CALN1: variants seen among roughly 807,000 people sequenced by gnomAD.
CALN1 encodes the protein calcium-binding protein 8.
A neutral mutation model predicts 30.6 loss-of-function variants in CALN1; 17 were observed. The observed-to-expected ratio is 0.56, with a 90% CI of 0.38 to 0.83. CALN1 has a LOEUF of 0.83. Among genes scored for constraint, CALN1 ranks in the 40% least tolerant of loss-of-function variants. The pLI, the probability that CALN1 is intolerant of heterozygous loss-of-function variation, is 0.00. For synonymous variants in CALN1, 156 were observed against 131.4 expected (o/e 1.19, Z -1.28); for missense variants, 291 against 354.9 (o/e 0.82, Z 1.45).
At chr7:72,053,779 C>G (rs1300339849) in intron 4 of CALN1, among the ~76,000 whole-genome samples, 1 of 151,526 alleles carries the variant, frequency 6.6e-6, no homozygotes, top group Non-Finnish European at 1.5e-5. Context: ...GTCTTTTATC[C>G]CTCACCCCCC....
intron 3 of CALN1, among the ~76,000 whole-genome samples, chr7:72,116,113 A>G (rs1171649460): frequency 6.6e-6 from 1 of 152,000 alleles, no homozygotes; most frequent in Non-Finnish European, 1.5e-5. Context: ...GTGATTTGCT[A>G]TTTGAGGTGT....
intron 3 of CALN1, among the ~76,000 whole-genome samples, chr7:72,242,297 G>C (rs575781594): frequency 2.8e-4 from 43 of 152,256 alleles, no homozygotes; most frequent in Admixed American, 8.5e-4. Flanking sequence ...ATGCTGCTAT[G>C]AACATAGATG....
intron 5 of CALN1, among the ~76,000 whole-genome samples, chr7:71,846,983 T>TAC (rs1790301906): frequency 1.3e-5 from 2 of 148,602 alleles, no homozygotes; most frequent in Non-Finnish European, 3.0e-5. Context: ...TATACACATA[T>TAC]ACACACACAT....
intron 1 of CALN1, among the ~76,000 whole-genome samples, chr7:72,432,684 T>G (rs2129564063): frequency 6.6e-6 from 1 of 152,296 alleles, no homozygotes; most frequent in South Asian, 2.1e-4. Context: ...TACTCATCTT[T>G]GCAAATCACC....
Position 71,785,280 on chromosome 7 carries a change from T to C in CALN1, c.*2495A>G, listed in dbSNP as rs188559745. 1 of 161,230 alleles carries C rather than the reference T, an allele frequency of 6.2e-6. No homozygotes were observed. Among genetic ancestry groups the C allele is most frequent in the East Asian group, 1.7e-4 (1 of 5,784 alleles). The allele number at this position is 161,230 out of a possible 1,614,324, so 10.0% of individuals were successfully genotyped here. A position where few individuals can be genotyped will look rare whatever the true frequency, so the allele number is the denominator to read the frequency against. ...CTGGGAGCAAGAAGAAGGTCACCGTTAGGAAAGGAATCCTGCAGCCTTTCC... is the reference window on the plus strand; with the variant it reads ...CTGGGAGCAAGAAGAAGGTCACCGTCAGGAAAGGAATCCTGCAGCCTTTCC... On this transcript the variant is annotated 3_prime_UTR_variant, in exon 7 of 7. Coordinates refer to ENST00000395275, the MANE Select transcript of CALN1 (RefSeq NM_031468.4).
intron 4 of CALN1, among the ~76,000 whole-genome samples, chr7:72,037,747 G>A (rs1801889174): frequency 6.6e-6 from 1 of 151,984 alleles, no homozygotes; most frequent in South Asian, 2.1e-4. Context: ...ATGGGGAGCT[G>A]TCTTTACCAC....
intron 3 of CALN1, among the ~76,000 whole-genome samples, chr7:72,132,753 T>C (rs182946481): frequency 2.4e-4 from 37 of 152,252 alleles, no homozygotes; most frequent in South Asian, 4.2e-4. Flanking sequence ...ATGAGGGTAT[T>C]AGCATGCAAG....
At chr7:72,077,938 A>G (rs1247437422) in intron 4 of CALN1, among the ~76,000 whole-genome samples, 1 of 152,092 alleles carries the variant, frequency 6.6e-6, no homozygotes, top group Admixed American at 6.6e-5. Context: ...AATTCTCCTC[A>G]CCTGTCAAAC....
intron 4 of CALN1, among the ~76,000 whole-genome samples, chr7:72,024,972 C>A (rs1800960347): frequency 6.6e-6 from 1 of 151,982 alleles, no homozygotes; most frequent in Non-Finnish European, 1.5e-5. Flanking sequence ...AACTTTTTTT[C>A]TCTCTCTCCT....
At chr7:72,457,588 C>T in the CALN1 span, among the ~76,000 whole-genome samples, 1 of 152,050 alleles carries the variant, frequency 6.6e-6, no homozygotes, top group East Asian at 1.9e-4. Flanking sequence ...AACCTTATCC[C>T]GAGTATCACC....
intron 3 of CALN1, among the ~76,000 whole-genome samples, chr7:72,205,889 C>G (rs1350028946): frequency 6.6e-6 from 1 of 152,032 alleles, no homozygotes; most frequent in East Asian, 1.9e-4. Flanking sequence ...ATTATCTTCC[C>G]AAATATTAAT....
intron 4 of CALN1, among the ~76,000 whole-genome samples, chr7:72,031,779 T>A (rs938479171): frequency 6.9e-6 from 1 of 144,926 alleles, no homozygotes; most frequent in African/African-American, 2.6e-5. Flanking sequence ...ACTCGCTCTG[T>A]CATCCAGGCT....
chr7:71,975,519 T>C (rs1022771383), intron 5 of CALN1, among the ~76,000 whole-genome samples: 2 of 152,116 alleles, frequency 1.3e-5, no homozygotes, highest in Admixed American at 6.6e-5. Flanking sequence ...CTCCAACTCC[T>C]GGGCTCAGGA....
chr7:72,040,019 G>A (rs544430434), intron 4 of CALN1, among the ~76,000 whole-genome samples: 2 of 152,180 alleles, frequency 1.3e-5, no homozygotes, highest in South Asian at 4.1e-4. Context: ...GCTTTATACT[G>A]CAGCAATCAC....
intron 5 of CALN1, among the ~76,000 whole-genome samples, chr7:71,982,151 G>A (rs1245323968): frequency 6.6e-6 from 1 of 152,142 alleles, no homozygotes; most frequent in African/African-American, 2.4e-5. Flanking sequence ...AGATGCCTCT[G>A]GTCAGCCAAT....
chr7:72,377,015 T>G (rs1349589401), intron 2 of CALN1, among the ~76,000 whole-genome samples: 1 of 152,226 alleles, frequency 6.6e-6, no homozygotes, highest in Non-Finnish European at 1.5e-5. Context: ...ATAGGTTTTC[T>G]TTTTGGACTC....
At chr7:72,106,535 GA>G (rs1024895426) in intron 3 of CALN1, among the ~76,000 whole-genome samples, 19 of 144,760 alleles carry the variant, frequency 1.3e-4, no homozygotes, top group African/African-American at 4.9e-4. Context: ...GAGAGAGGAA[GA>G]AAAAGAAAAG....
At position 71,932,102 on chromosome 7, in the gene CALN1, T is replaced by A. The variant is rs187751836; in HGVS notation, c.501+91555A>T. The stretch of plus-strand genomic sequence containing the variant: ...GCCACTGGAGGTAGCCGCCTTGGAG[T>A]CCCAGGTTGTCAGTGTGCTTTGGAG... On this transcript the variant is annotated intron_variant, in intron 5 of 6. Transcript: ENST00000395275. 5.3e-5 allele frequency among the ~76,000 whole-genome samples: 8 copies of A among 152,174 alleles called. No homozygotes were observed. In the East Asian group the frequency reaches 1.5e-3, roughly 29 times the overall value.
intron 5 of CALN1, among the ~76,000 whole-genome samples, chr7:71,909,151 G>A (rs1794296206): frequency 6.6e-6 from 1 of 152,002 alleles, no homozygotes; most frequent in Non-Finnish European, 1.5e-5. Flanking sequence ...TGAGTAGCTG[G>A]GACAATAGGC....
Sources: allele counts gnomAD v4.1 joint callset (sites outside exome capture counted in the v4.1 genomes callset), GRCh38; gene constraint gnomAD v4.1.1; transcripts MANE v1.5; gene names NCBI Gene and HGNC (gene_info 2026-07-23, HGNC 2026-07-21).